The following MTOR variants were observed in gnomAD, a reference collection of about 807,000 sequenced individuals.
MTOR encodes mechanistic target of rapamycin kinase, also known as serine/threonine-protein kinase mTOR.
Under a neutral mutation model 319.8 loss-of-function variants are expected in MTOR, and 70 were observed. The observed-to-expected ratio is 0.22, with a 90% CI of 0.18 to 0.27. MTOR has a LOEUF of 0.27. Among genes scored for constraint, MTOR ranks in the 10% least tolerant of loss-of-function variants. The pLI, the probability that MTOR is intolerant of heterozygous loss-of-function variation, is 1.00. For missense variants in MTOR, 1,890 were observed against 3,274.4 expected (o/e 0.58, Z 10.32); for synonymous variants, 1,183 against 1,211.4 (o/e 0.98, Z 0.49).
chr1:11,247,120 G>A (rs1648948633), intron 8 of MTOR, among the ~76,000 whole-genome samples: 1 of 152,208 alleles, frequency 6.6e-6, no homozygotes, highest in African/African-American at 2.4e-5. Context: ...TGAGGGCTAT[G>A]ATGGAAGAAG....
Position 11,144,465 on chromosome 1 carries a change from T to C in MTOR, c.4872+183A>G, listed in dbSNP as rs1643859100. 8 of 544,518 alleles carry C rather than the reference T, an allele frequency of 1.5e-5. No individual in the cohort carries two copies. The Admixed American group carries it at 2.4e-4, about 16-fold the overall frequency. The allele number at this position is 544,518 out of a possible 1,614,324, so 33.7% of individuals were successfully genotyped here. A position where few individuals can be genotyped will look rare whatever the true frequency, so the allele number is the denominator to read the frequency against. On this transcript the variant is annotated intron_variant, in intron 34 of 57. Transcript: ENST00000361445. ...AGAGACTGGAAAATTGGTCATTCTC[T>C]CACAGCTTAAGTTTAGGTGAGGAGC...
rs2100966756 is a variant in MTOR, at chr1:11,253,931, C to G, written c.748G>C (p.Ala250Pro). Residue 250 changes from alanine to proline, a missense_variant, in exon 6 of 58, where the codon GCC becomes CCC. Around this residue, in one of 15 missense-constraint regions of MTOR, gnomAD observed 418 missense variants for 543.1 expected, o/e 0.77. Transcript: ENST00000361445. ...TCCCGATTCATGCCCTTCTCTTTGG[C>G]CAAGGTCTCATCAAATCCCTTCTCT... ...EAEKGFDETL[A>P]KEKGMNRDDR... The G allele has an allele frequency of 6.2e-7, 1 of 1,614,076 alleles. No homozygotes were observed. Among genetic ancestry groups the G allele is most frequent in the Non-Finnish European group, 8.5e-7 (1 of 1,180,006 alleles).
At position 11,133,848 on chromosome 1, in the gene MTOR, A is replaced by G. The variant is rs1369388431; in HGVS notation, c.5246+503T>C. 6.6e-6 allele frequency among the ~76,000 whole-genome samples: 1 copy of G among 152,142 alleles called. No individual in the cohort carries two copies. Among genetic ancestry groups the G allele is most frequent in the Non-Finnish European group, 1.5e-5 (1 of 68,014 alleles). On this transcript the variant is annotated intron_variant, in intron 37 of 57. Transcript: ENST00000361445. The surrounding 1 kb of genome is among the most constrained non-coding windows in gnomAD (Gnocchi z 4.0). The stretch of plus-strand genomic sequence containing the variant: ...GCTGTGGAGGGAGGCTGGCTGGAGC[A>G]CAGGAGTTTGAGACCAGCCTGGGCA...
At chr1:11,230,893 T>C (rs1203738169) in intron 18 of MTOR, 32 bp downstream of exon 18, 1 of 1,612,692 alleles carries the variant, frequency 6.2e-7, no homozygotes, top group Non-Finnish European at 8.5e-7. Flanking sequence ...AGTGAGAACT[T>C]GGCAAGTCTT....
At chr1:11,201,229 T>C (rs544917584) in intron 26 of MTOR, among the ~76,000 whole-genome samples, 4 of 152,150 alleles carry the variant, frequency 2.6e-5, no homozygotes, top group Non-Finnish European at 5.9e-5. Flanking sequence ...TGAACGTATT[T>C]GGGACTAAGG....
chr1:11,188,417 C>T (rs2100694911), intron 28 of MTOR, among the ~76,000 whole-genome samples: 1 of 152,152 alleles, frequency 6.6e-6, no homozygotes, highest in East Asian at 1.9e-4. Flanking sequence ...GCAAACCATA[C>T]CAGCAAAGAA....
In MTOR at chr1:11,163,858, A is replaced by C. The variant is rs574654817; in HGVS notation, c.4329+3584T>G. 1.7e-3 allele frequency among the ~76,000 whole-genome samples: 253 copies of C among 152,312 alleles called. 1 individual carries two copies. Among genetic ancestry groups the C allele is most frequent in the Non-Finnish European group, 2.3e-3 (158 of 68,020 alleles). Reference sequence around the variant, plus strand: ...AAAGATCTAAAATTGACACCCTAACATCACAATTAAAAGAACTAGAGAAGC... The same window carrying C: ...AAAGATCTAAAATTGACACCCTAACCTCACAATTAAAAGAACTAGAGAAGC... On this transcript the variant is annotated intron_variant, in intron 29 of 57. Transcript: ENST00000361445.
Position 11,233,178 on chromosome 1 carries a change from A to G in MTOR, c.2421+220T>C, listed in dbSNP as rs1410466594. On this transcript the variant is annotated intron_variant, in intron 15 of 57. Coordinates refer to ENST00000361445, the MANE Select transcript of MTOR (RefSeq NM_004958.4). ...GTCTGAAGGTCACAATGATATTACC[A>G]TATCAAGCTGAAAATGTCACCACTA... The G allele has an allele frequency of 4.6e-6, 4 of 877,382 alleles. No individual in the cohort carries two copies. In the East Asian group the frequency reaches 9.6e-5, roughly 21 times the overall value. 54.3% of individuals were successfully genotyped at this position (877,382 alleles called of 1,614,324 possible).
chr1:11,233,238 T>C (rs964466358), intron 15 of MTOR, 160 bp downstream of exon 15: 28 of 820,092 alleles, frequency 3.4e-5, no homozygotes, highest in Non-Finnish European at 5.3e-5. Context: ...TGAGAATATA[T>C]TATTTCTCTC....
At chr1:11,229,226 C>A (rs916927577) in intron 18 of MTOR, among the ~76,000 whole-genome samples, 1 of 152,130 alleles carries the variant, frequency 6.6e-6, no homozygotes, top group African/African-American at 2.4e-5. Context: ...AACTTCATAA[C>A]TGAAACCATC....
At chr1:11,142,871 T>G (rs1643781548) in intron 34 of MTOR, among the ~76,000 whole-genome samples, 1 of 152,190 alleles carries the variant, frequency 6.6e-6, no homozygotes, top group South Asian at 2.1e-4. Flanking sequence ...AAAGCATTGG[T>G]GCAACTCCAA....
In MTOR at chr1:11,133,257, G is replaced by GACC. The variant is rs761059850; in HGVS notation, c.5247-63_5247-61dup. The GACC allele has an allele frequency of 7.0e-7, 1 of 1,418,580 alleles. No individual in the cohort carries two copies. Among genetic ancestry groups the GACC allele is most frequent in the Non-Finnish European group, 1.0e-6 (1 of 1,004,136 alleles). The allele number at this position is 1,418,580 out of a possible 1,614,324, so 87.9% of individuals were successfully genotyped here. A position where few individuals can be genotyped will look rare whatever the true frequency, so the allele number is the denominator to read the frequency against. ...CTCCTCAAAACAGCCCTCCTAAGAG[G>GACC]ACCACAAATTGTTAGGGGACACTGA... On this transcript the variant is annotated intron_variant, in intron 37 of 57. Transcript: ENST00000361445. This position sits in a 1 kb window ranked among gnomAD's most constrained non-coding sequence, Gnocchi z 4.0.
At chr1:11,182,662 C>T (rs1243596143) in intron 28 of MTOR, among the ~76,000 whole-genome samples, 1 of 152,200 alleles carries the variant, frequency 6.6e-6, no homozygotes, top group African/African-American at 2.4e-5. Flanking sequence ...CACTGCTCCC[C>T]TCTGTGTCCC....
At position 11,247,965 on chromosome 1, in the gene MTOR, G is replaced by A. The variant is rs2100940415; in HGVS notation, c.970C>T (p.Pro324Ser). 3 of 1,614,210 alleles carry A rather than the reference G, an allele frequency of 1.9e-6. No individual in the cohort carries two copies. Among genetic ancestry groups the A allele is most frequent in the Non-Finnish European group, 2.5e-6 (3 of 1,180,038 alleles). The change falls in exon 7 of 58, where the codon CCC becomes TCC. Residue 324 changes from proline to serine, a missense_variant. By Grantham distance (74) the Pro-to-Ser change is moderately conservative (BLOSUM62 -1). Transcript: ENST00000361445. Reference protein sequence around the residue: ...TPFTSFQAVQPQQSNALVGLL... With the variant: ...TPFTSFQAVQSQQSNALVGLL... ...CCCACCAAGGCATTTGACTGCTGGG[G>A]CTGTACAGCCTGGAAACTGGTGAAG...
chr1:11,169,928 G>A (rs959194372), intron 28 of MTOR, among the ~76,000 whole-genome samples: 3 of 152,098 alleles, frequency 2.0e-5, no homozygotes, highest in African/African-American at 7.2e-5. Flanking sequence ...ATACACCTAC[G>A]GTGGAGACTT....
intron 29 of MTOR, among the ~76,000 whole-genome samples, chr1:11,163,047 G>A (rs1481748308): frequency 3.3e-5 from 5 of 152,030 alleles, no homozygotes; most frequent in South Asian, 2.1e-4. Context: ...CCCATCTCAC[G>A]TGCAGACACA....
chr1:11,144,408 A>AT (rs1032379017), intron 34 of MTOR: 23 of 457,276 alleles, frequency 5.0e-5, no homozygotes, highest in African/African-American at 1.2e-4. Context: ...ACTAAAAAAC[A>AT]TTTTTTTTAA....
Position 11,106,580 on chromosome 1 carries a change from G to T in MTOR, c.*905C>A. 9.3e-7 allele frequency: 1 copy of T among 1,071,798 alleles called. No homozygotes were observed. The highest frequency in any genetic ancestry group is 1.1e-6 in the Non-Finnish European group (1 of 882,680). 66.4% of individuals were successfully genotyped at this position (1,071,798 alleles called of 1,614,324 possible). A position where few individuals can be genotyped will look rare whatever the true frequency, so the allele number is the denominator to read the frequency against. ...CATTTATTGGCACAAAAATTATTCT[G>T]ATACAACATGGTGTCTAGACATGGC... On this transcript the variant is annotated 3_prime_UTR_variant, in exon 58 of 58. Coordinates refer to ENST00000361445, the MANE Select transcript of MTOR (RefSeq NM_004958.4).
chr1:11,203,664 T>C (rs1460473617), intron 26 of MTOR, among the ~76,000 whole-genome samples: 1 of 152,098 alleles, frequency 6.6e-6, no homozygotes, highest in Non-Finnish European at 1.5e-5. Flanking sequence ...AGAACAAGAC[T>C]CTCAAAAAAA....
Sources: allele counts gnomAD v4.1 joint callset (sites outside exome capture counted in the v4.1 genomes callset), GRCh38; gene constraint gnomAD v4.1.1; regional missense constraint gnomAD v4.1.1; non-coding constraint Gnocchi (gnomAD v3.1); transcripts MANE v1.5; gene names NCBI Gene and HGNC (gene_info 2026-07-23, HGNC 2026-07-21).